The following TCF7L1 variants were observed in gnomAD, a reference collection of about 807,000 sequenced individuals.
TCF7L1 encodes the protein transcription factor 7-like 1.
A neutral mutation model predicts 63.7 loss-of-function variants in TCF7L1; 18 were observed. The observed-to-expected ratio is 0.28, with a 90% CI of 0.20 to 0.42. The LOEUF (loss-of-function observed/expected upper bound fraction) is 0.42, where lower values mean the gene tolerates loss of function less well. TCF7L1 is among the 10% of genes least tolerant of loss of function. The pLI, the probability that TCF7L1 is intolerant of heterozygous loss-of-function variation, is 1.00. For synonymous variants in TCF7L1, 355 were observed against 340.9 expected (o/e 1.04, Z -0.46); for missense variants, 654 against 779.3 (o/e 0.84, Z 1.91).
At chr2:85,275,343 G>A (rs1006307055) in intron 3 of TCF7L1, among the ~76,000 whole-genome samples, 5 of 152,130 alleles carry the variant, frequency 3.3e-5, no homozygotes, top group African/African-American at 1.2e-4. Flanking sequence ...ACAAACCTTA[G>A]GTCAAATCTA....
intron 3 of TCF7L1, among the ~76,000 whole-genome samples, chr2:85,225,568 G>A (rs1228447868): frequency 6.6e-6 from 1 of 152,080 alleles, no homozygotes; most frequent in Non-Finnish European, 1.5e-5. Context: ...TCATGATTTG[G>A]CTCTCTGTTT....
intron 3 of TCF7L1, among the ~76,000 whole-genome samples, chr2:85,160,747 GA>G (rs1678264687): frequency 6.6e-6 from 1 of 152,060 alleles, no homozygotes; most frequent in African/African-American, 2.4e-5. Context: ...AACTACTCAG[GA>G]GGCCGAGGTG....
intron 3 of TCF7L1, among the ~76,000 whole-genome samples, chr2:85,277,920 G>A (rs1681314503): frequency 6.6e-6 from 1 of 152,204 alleles, no homozygotes; most frequent in Non-Finnish European, 1.5e-5. Context: ...GGGACAGGGT[G>A]AGGACGGCTG....
At chr2:85,222,300 A>G (rs1029790806) in intron 3 of TCF7L1, among the ~76,000 whole-genome samples, 1 of 149,826 alleles carries the variant, frequency 6.7e-6, no homozygotes, top group African/African-American at 2.5e-5. Flanking sequence ...GAGATTGGCC[A>G]TTGCACTCCA....
chr2:85,306,399 G>GC lies in TCF7L1; in HGVS notation c.1149+35dup. 1 of 1,612,976 alleles carries GC rather than the reference G, an allele frequency of 6.2e-7. No homozygotes were observed. Among genetic ancestry groups the GC allele is most frequent in the Non-Finnish European group, 8.5e-7 (1 of 1,179,006 alleles). ...TGCCCTCTCCCTCCAGGCCAGGGAGGCAGCGTCCCTGCATTGATGGCTCCG... is the reference window on the plus strand; with the variant it reads ...TGCCCTCTCCCTCCAGGCCAGGGAGGCCAGCGTCCCTGCATTGATGGCTCCG... On this transcript the variant is annotated intron_variant, in intron 9 of 11. Coordinates refer to ENST00000282111, the MANE Select transcript of TCF7L1 (RefSeq NM_031283.3). This position sits in a 1 kb window ranked among gnomAD's most constrained non-coding sequence, Gnocchi z 4.3.
intron 3 of TCF7L1, among the ~76,000 whole-genome samples, chr2:85,234,234 C>G (rs558284216): frequency 6.9e-6 from 1 of 144,516 alleles, no homozygotes; most frequent in Non-Finnish European, 1.5e-5. Flanking sequence ...CTCCCAGGTT[C>G]AGGCGATTCT....
At chr2:85,307,550 G>A in intron 10 of TCF7L1, 92 bp from the exon 11 acceptor site, 1 of 1,091,318 alleles carries the variant, frequency 9.2e-7, no homozygotes, top group South Asian at 1.3e-5. Context: ...GCAGTAAAGG[G>A]CAACGTCCTG....
rs140884795 is a variant in TCF7L1 at position 85,300,649 on chromosome 2, G to C, written c.526-1835G>C. On this transcript the variant is annotated intron_variant, in intron 4 of 11. Transcript: ENST00000282111. ...ATCTATGGATTGGAGTTTGCATTAT[G>C]AGTACCAAATAGGCACCACATGAAA... Among the ~76,000 whole-genome samples the C allele has an allele frequency of 7.8e-3, 1,185 of 152,224 alleles. 12 individuals carry two copies. The highest frequency in any genetic ancestry group is 0.034 in the Middle Eastern group (10 of 294).
intron 3 of TCF7L1, among the ~76,000 whole-genome samples, chr2:85,260,571 G>A (rs1008048172): frequency 6.6e-6 from 1 of 151,550 alleles, no homozygotes; most frequent in African/African-American, 2.4e-5. Context: ...TGAGCCCTGG[G>A]AGGTCAAGGC....
At chr2:85,160,875 C>T (rs1678268510) in intron 3 of TCF7L1, among the ~76,000 whole-genome samples, 1 of 152,124 alleles carries the variant, frequency 6.6e-6, no homozygotes, top group African/African-American at 2.4e-5. Flanking sequence ...AAAGAAGCCG[C>T]TTAGTTTTGT....
intron 3 of TCF7L1, among the ~76,000 whole-genome samples, chr2:85,240,147 A>C (rs966677057): frequency 6.6e-6 from 1 of 152,118 alleles, no homozygotes; most frequent in Non-Finnish European, 1.5e-5. Flanking sequence ...CCTGCATGCC[A>C]TTTCCAGGGC....
chr2:85,179,605 TCCTGGAGCTGAGCTGC>T (rs1678753892), intron 3 of TCF7L1, among the ~76,000 whole-genome samples: 1 of 152,126 alleles, frequency 6.6e-6, no homozygotes, highest in South Asian at 2.1e-4. Context: ...TCTGGCTAAG[TCCTGGAGCTGAGCTGC>T]CCCCTCCCTT....
At chr2:85,232,486 G>A (rs558910295) in intron 3 of TCF7L1, among the ~76,000 whole-genome samples, 5 of 152,106 alleles carry the variant, frequency 3.3e-5, no homozygotes, top group Admixed American at 6.5e-5. Flanking sequence ...GACATTCCAC[G>A]GACACAAGCA....
chr2:85,272,832 A>T (rs568436776), intron 3 of TCF7L1, among the ~76,000 whole-genome samples: 2 of 152,278 alleles, frequency 1.3e-5, no homozygotes, highest in South Asian at 2.1e-4. Context: ...ATCAATCAAT[A>T]AAAAAATCAC....
chr2:85,237,342 C>T (rs1309890469), intron 3 of TCF7L1, among the ~76,000 whole-genome samples: 1 of 152,016 alleles, frequency 6.6e-6, no homozygotes, highest in African/African-American at 2.4e-5. Flanking sequence ...TCACTGGATC[C>T]TTGTTATAAC....
At chr2:85,164,383 G>A (rs541359704) in intron 3 of TCF7L1, among the ~76,000 whole-genome samples, 30 of 152,318 alleles carry the variant, frequency 2.0e-4, no homozygotes, top group Admixed American at 9.2e-4. Context: ...GAAGGCTGGG[G>A]TCAGGGGCAG....
At position 85,193,399 on chromosome 2, in the gene TCF7L1, T is replaced by C. The variant is rs137938702; in HGVS notation, c.441+58949T>C. 4.7e-3 allele frequency among the ~76,000 whole-genome samples: 719 copies of C among 152,320 alleles called. 13 individuals carry two copies. The highest frequency in any genetic ancestry group is 0.04 in the East Asian group (205 of 5,182). On this transcript the variant is annotated intron_variant, in intron 3 of 11. Coordinates refer to ENST00000282111, the MANE Select transcript of TCF7L1 (RefSeq NM_031283.3). Reference sequence around the variant, plus strand: ...TTTTTTCTTGCTCTAAAGGGCATTATTAGGGCCGGGTGCAGTGGCTCATGC... The same window carrying C: ...TTTTTTCTTGCTCTAAAGGGCATTACTAGGGCCGGGTGCAGTGGCTCATGC...
chr2:85,294,026 ATTTTTTTTT>A (rs774050758), intron 4 of TCF7L1, among the ~76,000 whole-genome samples: 9 of 59,486 alleles, frequency 1.5e-4, no homozygotes, highest in African/African-American at 5.1e-4. Flanking sequence ...GAACACTGGG[ATTTTTTTTT>A]TTTTTTTTTT....
chr2:85,148,123 G>C (rs1677924562), intron 3 of TCF7L1, among the ~76,000 whole-genome samples: 3 of 152,156 alleles, frequency 2.0e-5, no homozygotes, highest in Admixed American at 6.5e-5. Flanking sequence ...GTTAGGGAGA[G>C]TGAGACGCTG....
Sources: allele counts gnomAD v4.1 joint callset (sites outside exome capture counted in the v4.1 genomes callset), GRCh38; gene constraint gnomAD v4.1.1; non-coding constraint Gnocchi (gnomAD v3.1); transcripts MANE v1.5; gene names NCBI Gene and HGNC (gene_info 2026-07-23, HGNC 2026-07-21).